The following NOTCH2 variants were observed in gnomAD, a reference collection of about 807,000 sequenced individuals.
NOTCH2 encodes the protein notch receptor 2.
NOTCH2 carries 29 observed loss-of-function variants against 235.8 expected under a neutral mutation model. The observed-to-expected ratio is 0.12, with a 90% CI of 0.09 to 0.17. NOTCH2 has a LOEUF of 0.17. Among genes scored for constraint, NOTCH2 ranks in the 10% least tolerant of loss-of-function variants. NOTCH2 has a pLI of 1.00. For missense variants in NOTCH2, 2,285 were observed against 3,150.2 expected, an observed-to-expected ratio of 0.73 and a Z score of 6.57; for synonymous variants, 1,086 against 1,141.5, an observed-to-expected ratio of 0.95 and a Z score of 0.98.
chr1:120,012,014 T>C (rs1653214689), intron 2 of NOTCH2, among the ~76,000 whole-genome samples: 5 of 106,952 alleles, frequency 4.7e-5, no homozygotes, highest in Non-Finnish European at 7.3e-5. Flanking sequence ...AGACTCCCTC[T>C]CAAAAAAAAA....
chr1:119,925,225 G>A (rs1649433836), intron 25 of NOTCH2, 80 bp downstream of exon 25: 1 of 1,566,722 alleles, frequency 6.4e-7, no homozygotes, highest in Non-Finnish European at 8.8e-7. Context: ...TGAAGCACTG[G>A]AGTGGTTAGG....
intron 2 of NOTCH2, among the ~76,000 whole-genome samples, chr1:120,027,765 T>C (rs1321252320): frequency 6.6e-6 from 1 of 151,358 alleles, no homozygotes; most frequent in Non-Finnish European, 1.5e-5. Flanking sequence ...CTGAGAATGA[T>C]GGCTTCCAGC....
At chr1:119,921,582 T>C in intron 29 of NOTCH2, 131 bp downstream of exon 29, 1 of 799,534 alleles carries the variant, frequency 1.3e-6, no homozygotes, top group Middle Eastern at 2.2e-4. Context: ...CCTAGGATAG[T>C]TATTGTCTGG....
At chr1:119,941,783 T>G in intron 17 of NOTCH2, 29 bp from the exon 18 acceptor site, 2 of 1,493,222 alleles carry the variant, frequency 1.3e-6, no homozygotes, top group African/African-American at 1.4e-5. Flanking sequence ...ATTAGACCTC[T>G]GAAGAGTAGC....
Position 119,937,468 on chromosome 1 carries a change from TGG to T in NOTCH2, c.3338-4_3338-3del. On this transcript the variant is annotated splice_region_variant and splice_polypyrimidine_tract_variant and intron_variant, in intron 20 of 33. Transcript: ENST00000256646. ...GGCACAAGTGTTCAACAAGCACACC[TGG>T]GAAACCCAGTGAGGGAGAAATGTCA... The T allele has an allele frequency of 1.2e-6, 2 of 1,612,942 alleles. No homozygotes were observed. The highest frequency in any genetic ancestry group is 1.7e-5 in the Admixed American group (1 of 59,908).
At chr1:120,001,894 C>A (rs1353493718) in intron 3 of NOTCH2, among the ~76,000 whole-genome samples, 1 of 152,008 alleles carries the variant, frequency 6.6e-6, no homozygotes, top group Non-Finnish European at 1.5e-5. Context: ...CATCCTGAAG[C>A]AGAACGGTGG....
Position 120,005,315 on chromosome 1 carries a change from G to A in NOTCH2, c.415+14C>T. ...TGAAGGTAGGAAACCACTGGCTTTG[G>A]TCTCATTAGTTACCTGTAAACCCGA... On this transcript the variant is annotated intron_variant, in intron 3 of 33. Transcript: ENST00000256646. 2 of 1,614,006 alleles carry A rather than the reference G, an allele frequency of 1.2e-6. No homozygotes were observed. Among genetic ancestry groups the A allele is most frequent in the Non-Finnish European group, 1.7e-6 (2 of 1,179,860 alleles).
intron 3 of NOTCH2, among the ~76,000 whole-genome samples, chr1:120,000,179 A>C (rs1281192560): frequency 2.0e-5 from 3 of 152,042 alleles, no homozygotes; most frequent in African/African-American, 7.2e-5. Context: ...CAAAAACCAA[A>C]AGGATGACTT....
chr1:119,945,071 A>G (rs1241610965), intron 17 of NOTCH2, among the ~76,000 whole-genome samples: 1 of 152,148 alleles, frequency 6.6e-6, no homozygotes, highest in Non-Finnish European at 1.5e-5. Context: ...TAACAACAAT[A>G]GAAGAGAGGC....
chr1:119,946,518 T>G (rs1553197058), intron 17 of NOTCH2, among the ~76,000 whole-genome samples: 1 of 152,080 alleles, frequency 6.6e-6, no homozygotes, highest in Non-Finnish European at 1.5e-5. Flanking sequence ...AAATGTTAAA[T>G]AAAGTTGATG....
chr1:119,966,946 A>T (rs1553199739), intron 8 of NOTCH2, among the ~76,000 whole-genome samples: 1 of 152,162 alleles, frequency 6.6e-6, no homozygotes, highest in East Asian at 1.9e-4. Flanking sequence ...GTTAGCCATC[A>T]TTTCAAGCTG....
chr1:119,953,831 T>A, intron 13 of NOTCH2, 143 bp from the exon 14 acceptor site: 1 of 775,872 alleles, frequency 1.3e-6, no homozygotes, highest in Non-Finnish European at 2.2e-6. Context: ...ACCTTGCACA[T>A]GGTGTGTACC....
chr1:119,980,721 G>C (rs1341730209), intron 5 of NOTCH2, among the ~76,000 whole-genome samples: 1 of 152,194 alleles, frequency 6.6e-6, no homozygotes, highest in Non-Finnish European at 1.5e-5. Flanking sequence ...GTCAAAATAA[G>C]TAAGAGCAGT....
intron 23 of NOTCH2, among the ~76,000 whole-genome samples, chr1:119,928,044 T>TA (rs1178759602): frequency 2.6e-5 from 4 of 152,144 alleles, no homozygotes; most frequent in Non-Finnish European, 5.9e-5. Context: ...ATATAAGAAA[T>TA]ACAACTACAG....
chr1:119,957,901 G>T (rs1279710184), intron 12 of NOTCH2, among the ~76,000 whole-genome samples: 1 of 139,098 alleles, frequency 7.2e-6, no homozygotes, highest in Admixed American at 7.5e-5. Flanking sequence ...CCCTAATCAG[G>T]ATGTCCAGTG....
intron 1 of NOTCH2, 156 bp downstream of exon 1, chr1:120,069,178 G>A: frequency 6.5e-7 from 1 of 1,528,100 alleles, no homozygotes; most frequent in Non-Finnish European, 8.7e-7. Flanking sequence ...GGGGCCCCCG[G>A]CGATGTCCAA....
intron 1 of NOTCH2, among the ~76,000 whole-genome samples, chr1:120,048,165 C>A (rs1263652598): frequency 7.0e-6 from 1 of 143,188 alleles, no homozygotes; most frequent in Non-Finnish European, 1.5e-5. Flanking sequence ...TAGTAGCTTA[C>A]CAACATGTTT....
chr1:119,980,876 G>A (rs1651787310), intron 5 of NOTCH2, among the ~76,000 whole-genome samples: 2 of 152,140 alleles, frequency 1.3e-5, no homozygotes, highest in South Asian at 4.1e-4. Flanking sequence ...TTAACTTGAG[G>A]ATGCTATCAT....
chr1:119,989,560 T>C (rs1319548324), intron 4 of NOTCH2, among the ~76,000 whole-genome samples: 1 of 152,066 alleles, frequency 6.6e-6, no homozygotes, highest in Non-Finnish European at 1.5e-5. Context: ...AGAAAATATC[T>C]GCAAATCATA....
Sources: allele counts gnomAD v4.1 joint callset (sites outside exome capture counted in the v4.1 genomes callset), GRCh38; gene constraint gnomAD v4.1.1; transcripts MANE v1.5; gene names NCBI Gene and HGNC (gene_info 2026-07-23, HGNC 2026-07-21).